The following ANO2 variants were observed in gnomAD, a reference collection of about 807,000 sequenced individuals.
The protein encoded by ANO2 is anoctamin 2, also known as anoctamin-2.
A neutral mutation model predicts 124.2 loss-of-function variants in ANO2; 101 were observed. That is an observed-to-expected ratio of 0.81 (90% confidence interval 0.69 to 0.96). ANO2 has a LOEUF of 0.96. ANO2 is among the 40% of genes least tolerant of loss of function. ANO2 has a pLI of 0.00. For missense variants in ANO2, 1,293 were observed against 1,274.5 expected, an observed-to-expected ratio of 1.01 and a Z score of -0.22; for synonymous variants, 486 against 482.5, an observed-to-expected ratio of 1.01 and a Z score of -0.09.
chr12:5,920,680 A>G (rs1344633321), intron 3 of ANO2, among the ~76,000 whole-genome samples: 1 of 152,032 alleles, frequency 6.6e-6, no homozygotes, highest in Admixed American at 6.5e-5. Context: ...CCTGGCTAAC[A>G]CGGTGAAACC....
chr12:5,620,971 T>C (rs1945088922), intron 16 of ANO2, among the ~76,000 whole-genome samples: 1 of 152,128 alleles, frequency 6.6e-6, no homozygotes, highest in Admixed American at 6.5e-5. Flanking sequence ...TTTGTGCATA[T>C]CAGGTCCTCA....
intron 7 of ANO2, among the ~76,000 whole-genome samples, chr12:5,822,886 A>G (rs1254322860): frequency 6.6e-6 from 1 of 152,224 alleles, no homozygotes; most frequent in Non-Finnish European, 1.5e-5. Context: ...GGAGGGAGGC[A>G]CTTCTTACAT....
chr12:5,760,532 G>C (rs1023140974), intron 10 of ANO2, among the ~76,000 whole-genome samples: 10 of 152,138 alleles, frequency 6.6e-5, no homozygotes, highest in Admixed American at 6.5e-4. Context: ...TAATTGAAAA[G>C]AGGACACAGA....
At chr12:5,875,616 C>T (rs1251479301) in intron 3 of ANO2, among the ~76,000 whole-genome samples, 3 of 152,314 alleles carry the variant, frequency 2.0e-5, no homozygotes, top group Middle Eastern at 3.4e-3. Flanking sequence ...CTACCACTAA[C>T]GCATTCATCA....
At chr12:5,756,589 A>C (rs1479407056) in intron 10 of ANO2, among the ~76,000 whole-genome samples, 1 of 152,186 alleles carries the variant, frequency 6.6e-6, no homozygotes. Flanking sequence ...GGGCAGACTT[A>C]AGCTGGGTGG....
chr12:5,610,819 TACACACACACAC>T (rs766401385), intron 19 of ANO2, among the ~76,000 whole-genome samples: 9 of 110,860 alleles, frequency 8.1e-5, no homozygotes, highest in East Asian at 5.0e-4. Flanking sequence ...GAGTTGTCCA[TACACACACACAC>T]ACACACACAC....
intron 3 of ANO2, among the ~76,000 whole-genome samples, chr12:5,914,080 A>G (rs375137784): frequency 6.2e-4 from 94 of 152,214 alleles, no homozygotes; most frequent in East Asian, 5.4e-3. Flanking sequence ...TGCACCTGTA[A>G]TCCCAGCTAC....
At chr12:5,853,310 G>C (rs143143834) in intron 4 of ANO2, among the ~76,000 whole-genome samples, 118 of 149,948 alleles carry the variant, frequency 7.9e-4, no homozygotes, top group African/African-American at 2.8e-3. Flanking sequence ...CCTCTGGGTA[G>C]ATTTTTAAAT....
intron 3 of ANO2, among the ~76,000 whole-genome samples, chr12:5,915,594 T>C (rs61908402): frequency 0.15 from 23,097 of 152,210 alleles, 1,990 homozygotes; most frequent in Middle Eastern, 0.2. Flanking sequence ...GCCTAAAAGA[T>C]TGCCCAGCTC....
intron 3 of ANO2, among the ~76,000 whole-genome samples, chr12:5,864,423 G>A (rs1955364544): frequency 6.6e-6 from 1 of 152,216 alleles, no homozygotes; most frequent in Non-Finnish European, 1.5e-5. Context: ...GCCCAAACAG[G>A]GGATCCTGGA....
chr12:5,662,370 G>C (rs1342049688), intron 14 of ANO2, among the ~76,000 whole-genome samples: 8 of 152,068 alleles, frequency 5.3e-5, no homozygotes, highest in African/African-American at 1.9e-4. Context: ...GAGGTGCCAG[G>C]CTTCTTAGTG....
intron 7 of ANO2, among the ~76,000 whole-genome samples, chr12:5,816,787 T>A (rs935180006): frequency 2.6e-5 from 4 of 152,182 alleles, no homozygotes; most frequent in Non-Finnish European, 5.9e-5. Flanking sequence ...GTGTCCCAAC[T>A]GCACTCTGTA....
intron 11 of ANO2, among the ~76,000 whole-genome samples, chr12:5,746,021 G>A (rs753245154): frequency 1.3e-5 from 2 of 152,152 alleles, no homozygotes; most frequent in African/African-American, 2.4e-5. Flanking sequence ...AAAGACGTTC[G>A]CTTTTAAGTC....
chr12:5,669,896 T>C lies in ANO2; in HGVS notation c.1546-22095A>G, dbSNP rs545866082. ...ACAATCAGAGAAGAAAGTAACTCAC[T>C]AAGTGTCTGATGAATTGCTGATCCT... On this transcript the variant is annotated intron_variant, in intron 14 of 24. Coordinates refer to ENST00000682330, the MANE Select transcript of ANO2 (RefSeq NM_001364791.2). Among the ~76,000 whole-genome samples, 945 of 152,348 alleles carry C rather than the reference T, an allele frequency of 6.2e-3. 8 individuals are homozygous for C. The highest frequency in any genetic ancestry group is 0.022 in the African/African-American group (919 of 41,574).
intron 14 of ANO2, among the ~76,000 whole-genome samples, chr12:5,692,265 A>G (rs1725715255): frequency 6.6e-6 from 1 of 152,116 alleles, no homozygotes; most frequent in Admixed American, 6.5e-5. Flanking sequence ...TGGATTAACT[A>G]TGGGGTTTGA....
chr12:5,892,449 TAAGATAAACTCA>T (rs1486358529), intron 3 of ANO2, among the ~76,000 whole-genome samples: 1 of 152,018 alleles, frequency 6.6e-6, no homozygotes, highest in Non-Finnish European at 1.5e-5. Flanking sequence ...AAACCCCAAA[TAAGATAAACTCA>T]AAGAAATTCA....
At chr12:5,597,754 A>G (rs970337355) in intron 20 of ANO2, among the ~76,000 whole-genome samples, 1 of 152,174 alleles carries the variant, frequency 6.6e-6, no homozygotes, top group African/African-American at 2.4e-5. Context: ...GGAAGTCCCA[A>G]TCTCTGGCAG....
intron 10 of ANO2, among the ~76,000 whole-genome samples, chr12:5,767,383 G>C (rs927198352): frequency 2.0e-5 from 3 of 152,224 alleles, no homozygotes; most frequent in Non-Finnish European, 2.9e-5. Flanking sequence ...GAACCTAAGA[G>C]ACAGGGCCAA....
chr12:5,832,324 G>A, intron 5 of ANO2, 128 bp downstream of exon 5: 2 of 1,076,446 alleles, frequency 1.9e-6, no homozygotes, highest in South Asian at 1.6e-5. Flanking sequence ...ATGAGAGCAT[G>A]CTTCCTACTC....
Sources: gnomAD v4.1 joint callset for allele counts (sites outside exome capture counted in the v4.1 genomes callset) on GRCh38, gnomAD v4.1.1 for gene constraint, MANE v1.5 for transcripts, NCBI Gene and HGNC (gene_info 2026-07-23, HGNC 2026-07-21) for gene names.